GNG12: variants seen among roughly 807,000 people sequenced by gnomAD.
The protein encoded by GNG12 is G protein subunit gamma 12.
For missense variants in GNG12, 69 were observed against 83.8 expected (o/e 0.82, Z 0.69); for synonymous variants, 28 against 29.7 (o/e 0.94, Z 0.19).
rs566903621 is a variant in GNG12 at position 67,829,712 on chromosome 1, C to A, written c.-77+3632G>T. ...TCACCTAGAAGTATGAGCCAGAAAT[C>A]ATTATGTTATGTTCTAGGAGTGAAA... is the stretch of plus-strand genomic sequence containing the variant. On this transcript the variant is annotated intron_variant, in intron 1 of 3. Coordinates refer to ENST00000370982, the MANE Select transcript of GNG12 (RefSeq NM_018841.6). Among the ~76,000 whole-genome samples, 215 of 152,306 alleles carry A rather than the reference C, an allele frequency of 1.4e-3. 1 individual carries two copies. Among genetic ancestry groups the A allele is most frequent in the African/African-American group, 4.9e-3 (204 of 41,572 alleles).
intron 2 of GNG12, among the ~76,000 whole-genome samples, chr1:67,766,868 G>A (rs115706378): frequency 1.1e-3 from 160 of 152,266 alleles, no homozygotes; most frequent in African/African-American, 3.8e-3. Context: ...TCACGGAAAG[G>A]GTTAGGTGTC....
chr1:67,739,657 C>G (rs1646471856), intron 2 of GNG12, among the ~76,000 whole-genome samples: 1 of 152,210 alleles, frequency 6.6e-6, no homozygotes, highest in Admixed American at 6.5e-5. Context: ...GAAATGTACT[C>G]ATGAGTACTC....
chr1:67,734,875 A>G (rs1646443020), intron 2 of GNG12, among the ~76,000 whole-genome samples: 1 of 151,966 alleles, frequency 6.6e-6, no homozygotes, highest in Non-Finnish European at 1.5e-5. Flanking sequence ...CTTTTTTGAG[A>G]CAGCGTCTCA....
intron 1 of GNG12, among the ~76,000 whole-genome samples, chr1:67,791,489 A>G (rs1239525151): frequency 6.6e-6 from 1 of 151,946 alleles, no homozygotes; most frequent in Non-Finnish European, 1.5e-5. Flanking sequence ...CATCTCCCAC[A>G]CTGCTCTCCC....
chr1:67,814,650 T>C (rs1646943602), intron 1 of GNG12, among the ~76,000 whole-genome samples: 1 of 152,208 alleles, frequency 6.6e-6, no homozygotes, highest in Non-Finnish European at 1.5e-5. Flanking sequence ...TTCTCGAGCT[T>C]TACAATGCTT....
At chr1:67,747,392 T>A (rs1029846561) in intron 2 of GNG12, among the ~76,000 whole-genome samples, 2 of 152,174 alleles carry the variant, frequency 1.3e-5, no homozygotes, top group African/African-American at 4.8e-5. Context: ...AGTGCTGGGA[T>A]TACAGGCGTG....
intron 2 of GNG12, among the ~76,000 whole-genome samples, chr1:67,756,429 C>T (rs1646568511): frequency 1.3e-5 from 2 of 152,202 alleles, no homozygotes; most frequent in Admixed American, 1.3e-4. Flanking sequence ...GTTTCTCAGG[C>T]TGGAAACAGG....
intron 2 of GNG12, among the ~76,000 whole-genome samples, chr1:67,770,854 G>A (rs2100753667): frequency 6.6e-6 from 1 of 152,348 alleles, no homozygotes; most frequent in Non-Finnish European, 1.5e-5. Flanking sequence ...GGAGGCCACT[G>A]GAGGGGGAAG....
At chr1:67,749,873 A>G (rs1026444708) in intron 2 of GNG12, among the ~76,000 whole-genome samples, 1 of 152,198 alleles carries the variant, frequency 6.6e-6, no homozygotes, top group Non-Finnish European at 1.5e-5. Context: ...TGCCTGACAA[A>G]TAAGGTAAGG....
chr1:67,757,413 G>A (rs922072588), intron 2 of GNG12, among the ~76,000 whole-genome samples: 2 of 152,070 alleles, frequency 1.3e-5, no homozygotes, highest in African/African-American at 4.8e-5. Context: ...AAAAACATTC[G>A]CATGAGCCCA....
At chr1:67,774,067 G>A (rs1646690359) in intron 2 of GNG12, among the ~76,000 whole-genome samples, 1 of 152,118 alleles carries the variant, frequency 6.6e-6, no homozygotes, top group Admixed American at 6.5e-5. Flanking sequence ...GCCACTCTGT[G>A]TGGCATTATC....
intron 2 of GNG12, among the ~76,000 whole-genome samples, chr1:67,768,049 C>CTA (rs1163943774): frequency 6.6e-6 from 1 of 152,202 alleles, no homozygotes; most frequent in African/African-American, 2.4e-5. Context: ...TGAGCTGGGA[C>CTA]TATAGGCACA....
chr1:67,833,110 T>C (rs1170684704), intron 1 of GNG12, among the ~76,000 whole-genome samples: 1 of 148,486 alleles, frequency 6.7e-6, no homozygotes, highest in South Asian at 2.2e-4. Context: ...CGGTGTCCCT[T>C]GGCCCCTTCC....
intron 2 of GNG12, among the ~76,000 whole-genome samples, chr1:67,760,399 TATTTA>T (rs1025844037): frequency 4.0e-4 from 60 of 148,738 alleles, no homozygotes; most frequent in African/African-American, 1.5e-3. Flanking sequence ...TTTTTATTTT[TATTTA>T]TTTTTTGCTT....
chr1:67,785,344 T>A (rs1646762042), intron 1 of GNG12, among the ~76,000 whole-genome samples: 2 of 152,164 alleles, frequency 1.3e-5, no homozygotes, highest in Admixed American at 6.5e-5. Context: ...TTTACTTGAT[T>A]ATTATTATTA....
intron 1 of GNG12, among the ~76,000 whole-genome samples, chr1:67,808,234 G>A (rs1646904213): frequency 6.6e-6 from 1 of 151,954 alleles, no homozygotes; most frequent in Non-Finnish European, 1.5e-5. Context: ...TGCAGAAAAA[G>A]CACTTGACAA....
At chr1:67,711,021 T>C (rs888576405) in intron 2 of GNG12, among the ~76,000 whole-genome samples, 3 of 152,246 alleles carry the variant, frequency 2.0e-5, no homozygotes, top group African/African-American at 7.2e-5. Flanking sequence ...CCTGCTCTGC[T>C]ACCCCTCTCA....
chr1:67,737,724 C>T (rs981039371), intron 2 of GNG12, among the ~76,000 whole-genome samples: 2 of 151,936 alleles, frequency 1.3e-5, no homozygotes, highest in African/African-American at 4.8e-5. Flanking sequence ...CAAAAATGTT[C>T]TCTTTATTAA....
intron 1 of GNG12, among the ~76,000 whole-genome samples, chr1:67,787,073 A>ATATATGTGTATTTCTGTGTGTGT (rs1646775253): frequency 1.2e-5 from 1 of 81,772 alleles, no homozygotes; most frequent in African/African-American, 4.0e-5. Context: ...GTGTGTGTAT[A>ATATATGTGTATTTCTGTGTGTGT]GTCCCCCTCC....
Sources: gnomAD v4.1 joint callset for allele counts (sites outside exome capture counted in the v4.1 genomes callset) on GRCh38, gnomAD v4.1.1 for gene constraint, MANE v1.5 for transcripts, NCBI Gene and HGNC (gene_info 2026-07-23, HGNC 2026-07-21) for gene names.